GRIK4: variants seen among roughly 807,000 people sequenced by gnomAD.
GRIK4 encodes glutamate ionotropic receptor kainate type subunit 4, also known as glutamate receptor ionotropic, kainate 4.
A neutral mutation model predicts 104.9 loss-of-function variants in GRIK4; 40 were observed. That is an observed-to-expected ratio of 0.38 (90% CI 0.30 to 0.50). The LOEUF (loss-of-function observed/expected upper bound fraction) is 0.50, where lower values mean the gene tolerates loss of function less well. Among genes scored for constraint, GRIK4 ranks in the 20% least tolerant of loss-of-function variants. GRIK4 has a pLI of 0.93. For synonymous variants in GRIK4, 485 were observed against 524.9 expected, an observed-to-expected ratio of 0.92 and a Z score of 1.04; for missense variants, 1,047 against 1,308.1, an observed-to-expected ratio of 0.80 and a Z score of 3.08.
chr11:120,878,993 A>G (rs1273882464), intron 11 of GRIK4, among the ~76,000 whole-genome samples: 1 of 152,204 alleles, frequency 6.6e-6, no homozygotes, highest in Non-Finnish European at 1.5e-5. Context: ...CATACCAGAC[A>G]CCACATGCGC....
intron 1 of GRIK4, among the ~76,000 whole-genome samples, chr11:120,649,573 G>T (rs7121104): frequency 0.091 from 13,796 of 152,118 alleles, 1,495 homozygotes; most frequent in African/African-American, 0.26. Context: ...CATAGCCCTC[G>T]CTGGCTTCAG....
chr11:120,661,066 T>C (rs1949806420), intron 3 of GRIK4, among the ~76,000 whole-genome samples: 1 of 152,120 alleles, frequency 6.6e-6, no homozygotes, highest in South Asian at 2.1e-4. Context: ...ACAAGACTTG[T>C]CAACTGCAGG....
At chr11:120,706,794 CT>C (rs1370080651) in intron 3 of GRIK4, among the ~76,000 whole-genome samples, 5 of 152,208 alleles carry the variant, frequency 3.3e-5, no homozygotes, top group African/African-American at 1.2e-4. Flanking sequence ...CCCTCTGTAG[CT>C]GCTGTCCCAG....
At chr11:120,899,790 C>T (rs578210818) in intron 12 of GRIK4, among the ~76,000 whole-genome samples, 1 of 152,310 alleles carries the variant, frequency 6.6e-6, no homozygotes, top group Admixed American at 6.5e-5. Flanking sequence ...CCTGGCCCAG[C>T]ATCTTATTAG....
chr11:120,885,087 T>C (rs2135713602), intron 11 of GRIK4, among the ~76,000 whole-genome samples: 1 of 152,404 alleles, frequency 6.6e-6, no homozygotes, highest in East Asian at 1.9e-4. Flanking sequence ...GTTTAACAAA[T>C]GAAGCCAGGC....
intron 3 of GRIK4, among the ~76,000 whole-genome samples, chr11:120,682,187 G>A (rs1402104770): frequency 6.6e-6 from 1 of 152,204 alleles, no homozygotes; most frequent in Admixed American, 6.5e-5. Flanking sequence ...GAATTGAAAT[G>A]CAAATCCTGG....
intron 1 of GRIK4, among the ~76,000 whole-genome samples, chr11:120,580,254 T>TC (rs1565558884): frequency 1.6e-5 from 2 of 125,092 alleles, no homozygotes; most frequent in African/African-American, 3.8e-5. Flanking sequence ...TTTCTTTCTT[T>TC]TTCTTTCTTT....
chr11:120,789,021 G>T (rs1952344047), intron 3 of GRIK4, among the ~76,000 whole-genome samples: 1 of 151,864 alleles, frequency 6.6e-6, no homozygotes, highest in South Asian at 2.1e-4. Flanking sequence ...TCTAACCATT[G>T]CTTCTCAGTC....
At chr11:120,821,143 G>A (rs1953116335) in intron 6 of GRIK4, among the ~76,000 whole-genome samples, 1 of 152,240 alleles carries the variant, frequency 6.6e-6, no homozygotes. Flanking sequence ...GAGCCCTGCA[G>A]TGGATGCAGA....
intron 1 of GRIK4, among the ~76,000 whole-genome samples, chr11:120,603,590 C>T (rs559084049): frequency 8.5e-4 from 130 of 152,266 alleles, no homozygotes; most frequent in Admixed American, 7.9e-3. Flanking sequence ...TTACGCCTCA[C>T]GACAAGCCTG....
rs139832031 is a variant in GRIK4 at position 120,904,230 on chromosome 11, C to T, written c.1273-1060C>T. On this transcript the variant is annotated intron_variant, in intron 12 of 20. Transcript: ENST00000527524. ...CACATTTTAAACACCCAGTGGGTCA[C>T]TTCTGCCTGCGTAGCCTGCCAGCAC... is the stretch of plus-strand genomic sequence containing the variant. Among the ~76,000 whole-genome samples, 1,267 of 152,300 alleles carry T rather than the reference C, an allele frequency of 8.3e-3. 10 individuals carry two copies. The highest frequency in any genetic ancestry group is 0.015 in the Non-Finnish European group (1,013 of 68,012).
chr11:120,630,216 C>G (rs1949317431), intron 1 of GRIK4, among the ~76,000 whole-genome samples: 1 of 152,220 alleles, frequency 6.6e-6, no homozygotes, highest in African/African-American at 2.4e-5. Flanking sequence ...ACCTGTCAGC[C>G]TCTGGGGCAA....
chr11:120,816,621 G>A (rs550816811), intron 5 of GRIK4, among the ~76,000 whole-genome samples: 84 of 152,202 alleles, frequency 5.5e-4, no homozygotes, highest in African/African-American at 2.0e-3. Context: ...TGCCTGCTGG[G>A]AGTCTACCCC....
chr11:120,606,902 G>A (rs1018501448), intron 1 of GRIK4, among the ~76,000 whole-genome samples: 3 of 152,204 alleles, frequency 2.0e-5, no homozygotes, highest in African/African-American at 7.2e-5. Flanking sequence ...TTTTGAGGCT[G>A]GGTGCTATTC....
chr11:120,953,027 ATGGGGAGGGGG>A lies in GRIK4; in HGVS notation c.1700+72_1700+82del, dbSNP rs1455763320. ...CCTCGTGTCCACCTCTGGGAACTGC[ATGGGGAGGGGG>A]TGGGGAGGAGGAGAGGGGGAGGAGG... On this transcript the variant is annotated intron_variant, in intron 15 of 20. Transcript: ENST00000527524. This position sits in a 1 kb window ranked among gnomAD's most constrained non-coding sequence, Gnocchi z 4.9. 4 of 722,126 alleles carry A rather than the reference ATGGGGAGGGGG, an allele frequency of 5.5e-6. No individual in the cohort carries two copies. The highest frequency in any genetic ancestry group is 9.6e-6 in the Non-Finnish European group (4 of 415,742). The allele number at this position is 722,126 out of a possible 1,614,324, so 44.7% of individuals were successfully genotyped here. A position where few individuals can be genotyped will look rare whatever the true frequency, so the allele number is the denominator to read the frequency against.
At chr11:120,642,543 C>T (rs1282064055) in intron 1 of GRIK4, among the ~76,000 whole-genome samples, 1 of 150,722 alleles carries the variant, frequency 6.6e-6, no homozygotes, top group Non-Finnish European at 1.5e-5. Flanking sequence ...AAGCTCCCTT[C>T]CGGATGTGAG....
At chr11:120,550,449 C>T (rs1422482847) in intron 1 of GRIK4, among the ~76,000 whole-genome samples, 3 of 151,854 alleles carry the variant, frequency 2.0e-5, no homozygotes, top group Non-Finnish European at 2.9e-5. Flanking sequence ...ATCAGTCTCT[C>T]GGCAGGGTGA....
chr11:120,742,480 C>T (rs146024760), intron 3 of GRIK4, among the ~76,000 whole-genome samples: 218 of 151,118 alleles, frequency 1.4e-3, no homozygotes, highest in Middle Eastern at 0.01. Flanking sequence ...CCACGAGATA[C>T]CATCTCACAC....
intron 8 of GRIK4, among the ~76,000 whole-genome samples, chr11:120,861,069 T>C (rs185456056): frequency 1.3e-5 from 2 of 149,894 alleles, no homozygotes; most frequent in East Asian, 1.9e-4. Flanking sequence ...CAGGTAGTGT[T>C]AGGTAGGGTT....
Sources: allele counts gnomAD v4.1 joint callset (sites outside exome capture counted in the v4.1 genomes callset), GRCh38; gene constraint gnomAD v4.1.1; non-coding constraint Gnocchi (gnomAD v3.1); transcripts MANE v1.5; gene names NCBI Gene and HGNC (gene_info 2026-07-23, HGNC 2026-07-21).